The following STN1 variants were observed in gnomAD, a reference collection of about 807,000 sequenced individuals.
The protein encoded by STN1 is STN1 subunit of CST complex, also known as CST complex subunit STN1.
In STN1, 29 loss-of-function variants were observed where a neutral mutation model predicts 45.5. That is an observed-to-expected ratio of 0.64 (90% CI 0.47 to 0.87). The LOEUF (loss-of-function observed/expected upper bound fraction) is 0.87, where lower values mean the gene tolerates loss of function less well. STN1 is among the 40% of genes least tolerant of loss of function. The pLI is 0.00. For synonymous variants in STN1, 148 were observed against 159.0 expected (o/e 0.93, Z 0.52); for missense variants, 376 against 441.4 (o/e 0.85, Z 1.33).
At chr10:103,892,303 G>A in intron 7 of STN1, 51 bp from the exon 8 acceptor site, 1 of 1,532,722 alleles carries the variant, frequency 6.5e-7, no homozygotes, top group South Asian at 1.3e-5. Context: ...TCACCTTACG[G>A]CACCTGAGAA....
At chr10:103,901,675 A>G (rs1051985418) in intron 4 of STN1, among the ~76,000 whole-genome samples, 1 of 152,236 alleles carries the variant, frequency 6.6e-6, no homozygotes, top group Non-Finnish European at 1.5e-5. Context: ...GCACAATTCC[A>G]TATTTATAGG....
At chr10:103,909,434 G>GTATATATGTGTA (rs1564635033) in intron 3 of STN1, among the ~76,000 whole-genome samples, 1 of 56,890 alleles carries the variant, frequency 1.8e-5, no homozygotes, top group Admixed American at 2.2e-4. Context: ...GTATATATAT[G>GTATATATGTGTA]TATATATATG....
intron 7 of STN1, among the ~76,000 whole-genome samples, chr10:103,893,751 C>T (rs575673077): frequency 6.6e-6 from 1 of 152,172 alleles, no homozygotes; most frequent in Non-Finnish European, 1.5e-5. Context: ...AAGAGACCTC[C>T]CAAACAGGCT....
intron 2 of STN1, among the ~76,000 whole-genome samples, chr10:103,911,859 C>T (rs1482243118): frequency 6.6e-6 from 1 of 152,080 alleles, no homozygotes; most frequent in Non-Finnish European, 1.5e-5. Flanking sequence ...GGCTCTGTTT[C>T]CCTTGTAGAC....
chr10:103,890,530 G>C (rs1216111736), intron 8 of STN1, among the ~76,000 whole-genome samples: 1 of 152,182 alleles, frequency 6.6e-6, no homozygotes, highest in Non-Finnish European at 1.5e-5. Flanking sequence ...TCCTCAGGAA[G>C]GGCTGCTCTC....
intron 3 of STN1, among the ~76,000 whole-genome samples, chr10:103,909,044 GT>G (rs1445716669): frequency 1.3e-5 from 2 of 151,904 alleles, no homozygotes; most frequent in Non-Finnish European, 2.9e-5. Flanking sequence ...CTAAGCCTTA[GT>G]TTTCTCATCT....
intron 8 of STN1, among the ~76,000 whole-genome samples, chr10:103,890,440 A>G (rs1165665990): frequency 6.6e-6 from 1 of 152,242 alleles, no homozygotes; most frequent in East Asian, 1.9e-4. Flanking sequence ...AGATGGCGAC[A>G]AGAGATCTAT....
Position 103,917,584 on chromosome 10 carries a change from C to A in STN1, c.11G>T (p.Gly4Val). 6.2e-7 allele frequency: 1 copy of A among 1,613,922 alleles called. No individual in the cohort carries two copies. The highest frequency in any genetic ancestry group is 8.5e-7 in the Non-Finnish European group (1 of 1,179,876). The change falls in exon 2 of 10, where the codon GGA becomes GTA. Residue 4 changes from glycine to valine, a missense_variant. Coordinates refer to ENST00000224950, the MANE Select transcript of STN1 (RefSeq NM_024928.5). MQP[G>V]SSRCEEETPS... ...GGTCTCCTCTTCACACCGGCTGGAT[C>A]CAGGCTGCATCAAGAGGCAGGGCTG...
At chr10:103,905,829 C>T (rs1843237027) in intron 3 of STN1, among the ~76,000 whole-genome samples, 1 of 152,106 alleles carries the variant, frequency 6.6e-6, no homozygotes, top group Admixed American at 6.5e-5. Context: ...TTATGTTATT[C>T]CTGGCTTATC....
Position 103,886,399 on chromosome 10 carries a change from AT to A in STN1, c.949+2672del, listed in dbSNP as rs11405900. 4.1e-3 allele frequency among the ~76,000 whole-genome samples: 615 copies of A among 148,534 alleles called. 4 individuals are homozygous for A. Among genetic ancestry groups the A allele is most frequent in the African/African-American group, 0.01 (410 of 40,496 alleles). On this transcript the variant is annotated intron_variant, in intron 9 of 9. Coordinates refer to ENST00000224950, the MANE Select transcript of STN1 (RefSeq NM_024928.5). ...CGGTGTTTATTGTACCAGTCTTTTA[AT>A]TTTTTTTTTTTTGATAAATTGGAAT... is the stretch of plus-strand genomic sequence containing the variant.
rs141870707 is a variant in STN1 at position 103,898,897 on chromosome 10, T to G, written c.561A>C (p.Leu187=). The change falls in exon 6 of 10, where the codon CTA becomes CTC. Residue 187 remains leucine, a synonymous_variant. Transcript: ENST00000224950. The part of the protein sequence containing the change: ...VYDQPFHSSA[L]EKEEALSNPG... Reference sequence around the variant, plus strand: ...CTTACCTTAGTGCCTCTTCTTTCTCTAGGGCTGAGCTGTGAAAAGGCTGGT... The same window carrying G: ...CTTACCTTAGTGCCTCTTCTTTCTCGAGGGCTGAGCTGTGAAAAGGCTGGT... 92 of 1,613,812 alleles carry G rather than the reference T, an allele frequency of 5.7e-5. No individual in the cohort carries two copies. In the African/African-American group the frequency reaches 1.1e-3, roughly 20 times the overall value.
intron 4 of STN1, among the ~76,000 whole-genome samples, chr10:103,903,006 A>T (rs1412217490): frequency 6.6e-6 from 1 of 152,234 alleles, no homozygotes; most frequent in East Asian, 1.9e-4. Context: ...ACGAAGTATA[A>T]GAATTATATA....
chr10:103,900,994 TAG>T (rs1843206879), intron 4 of STN1, among the ~76,000 whole-genome samples: 2 of 152,154 alleles, frequency 1.3e-5, no homozygotes, highest in South Asian at 4.1e-4. Flanking sequence ...AGTCCCATTT[TAG>T]AGAGGAAACT....
intron 7 of STN1, 96 bp from the exon 8 acceptor site, chr10:103,892,348 A>G (rs1242833712): frequency 8.5e-7 from 1 of 1,179,104 alleles, no homozygotes; most frequent in Non-Finnish European, 1.2e-6. Flanking sequence ...GAATTTGTCC[A>G]ACAGGCCTTT....
At chr10:103,912,275 C>A (rs1843297050) in intron 2 of STN1, among the ~76,000 whole-genome samples, 1 of 152,130 alleles carries the variant, frequency 6.6e-6, no homozygotes, top group Admixed American at 6.5e-5. Context: ...CCATGCTGGC[C>A]TCAAACTCTT....
chr10:103,916,582 C>T (rs534317164), intron 2 of STN1, among the ~76,000 whole-genome samples: 4 of 152,202 alleles, frequency 2.6e-5, no homozygotes, highest in Non-Finnish European at 5.9e-5. Context: ...CTACTTCTAA[C>T]TCATAGTTTG....
chr10:103,890,461 T>G (rs1397991507), intron 8 of STN1, among the ~76,000 whole-genome samples: 1 of 152,192 alleles, frequency 6.6e-6, no homozygotes, highest in African/African-American at 2.4e-5. Flanking sequence ...TTGTGCTTGA[T>G]CACAATGATT....
intron 5 of STN1, chr10:103,899,854 C>A (rs1843195186): frequency 3.9e-6 from 2 of 509,374 alleles, no homozygotes; most frequent in South Asian, 3.1e-5. Context: ...AATTCATTTT[C>A]TTTCCCAACT....
Position 103,914,143 on chromosome 10 carries a change from A to C in STN1, c.133+3319T>G, listed in dbSNP as rs1843308939. ...ACACCTAAGATAATCTTTTTCAACC[A>C]GATTTAATATAATTCTTATGAATAT... On this transcript the variant is annotated intron_variant, in intron 2 of 9. Coordinates refer to ENST00000224950, the MANE Select transcript of STN1 (RefSeq NM_024928.5). 3.9e-5 allele frequency among the ~76,000 whole-genome samples: 6 copies of C among 152,120 alleles called. No homozygotes were observed. The South Asian group carries it at 1.2e-3, about 32-fold the overall frequency.
Sources: gnomAD v4.1 joint callset for allele counts (sites outside exome capture counted in the v4.1 genomes callset) on GRCh38, gnomAD v4.1.1 for gene constraint, MANE v1.5 for transcripts, NCBI Gene and HGNC (gene_info 2026-07-23, HGNC 2026-07-21) for gene names.